TRUB1: variants seen among roughly 807,000 people sequenced by gnomAD.
TRUB1 encodes the protein pseudouridylate synthase TRUB1.
Under a neutral mutation model 33.9 loss-of-function variants are expected in TRUB1, and 23 were observed. That is an observed-to-expected ratio of 0.68 (90% confidence interval 0.49 to 0.96). The LOEUF is 0.96. Ranked by LOEUF, TRUB1 falls within the 40% of genes least tolerant of loss-of-function variation. The pLI is 0.00. For missense variants in TRUB1, 378 were observed against 422.2 expected (o/e 0.90, Z 0.92); for synonymous variants, 163 against 165.4 (o/e 0.99, Z 0.11).
At chr10:114,959,028 C>A (rs1186603402) in intron 3 of TRUB1, among the ~76,000 whole-genome samples, 2 of 152,078 alleles carry the variant, frequency 1.3e-5, no homozygotes, top group Non-Finnish European at 2.9e-5. Context: ...CCCAGCTACT[C>A]CACAGGGTGA....
At position 114,940,686 on chromosome 10, in the gene TRUB1, G is replaced by C. The variant is rs146626801; in HGVS notation, c.287-1959G>C. ...TATAGTAGAGGCAGTACGTCTGCAA[G>C]TTAGAAGGAGGTATATTTGGGCACA... is the stretch of plus-strand genomic sequence containing the variant. On this transcript the variant is annotated intron_variant, in intron 1 of 7. Coordinates refer to ENST00000298746, the MANE Select transcript of TRUB1 (RefSeq NM_139169.5). Among the ~76,000 whole-genome samples the C allele has an allele frequency of 1.4e-4, 21 of 152,320 alleles. No individual in the cohort carries two copies. The East Asian group carries it at 3.9e-3, about 28-fold the overall frequency.
intron 4 of TRUB1, among the ~76,000 whole-genome samples, chr10:114,964,930 G>GT (rs11320741): frequency 0.042 from 5,396 of 127,624 alleles, 247 homozygotes; most frequent in African/African-American, 0.11. Flanking sequence ...TTTTCTATAG[G>GT]TTTTTTTTTT....
At chr10:114,953,730 A>G (rs1220293194) in intron 3 of TRUB1, among the ~76,000 whole-genome samples, 1 of 152,178 alleles carries the variant, frequency 6.6e-6, no homozygotes, top group East Asian at 1.9e-4. Flanking sequence ...TGAAGTCTGT[A>G]CAAGAAACAA....
intron 3 of TRUB1, 51 bp from the exon 4 acceptor site, chr10:114,959,675 A>T (rs1477618505): frequency 8.6e-7 from 1 of 1,162,360 alleles, no homozygotes; most frequent in Non-Finnish European, 1.3e-6. Context: ...CATGCATAAC[A>T]GTTTTTGTTT....
intron 3 of TRUB1, among the ~76,000 whole-genome samples, chr10:114,956,158 A>G (rs1448926197): frequency 3.9e-5 from 6 of 152,208 alleles, no homozygotes; most frequent in African/African-American, 1.4e-4. Context: ...GACGATGAGT[A>G]AAGTAGAGAG....
At chr10:114,963,093 G>A (rs2084291156) in intron 4 of TRUB1, among the ~76,000 whole-genome samples, 2 of 152,130 alleles carry the variant, frequency 1.3e-5, no homozygotes, top group African/African-American at 4.8e-5. Flanking sequence ...CCAAGCATCC[G>A]GGAAGGCCTA....
At chr10:114,966,658 A>G (rs562721428) in intron 4 of TRUB1, among the ~76,000 whole-genome samples, 44 of 152,276 alleles carry the variant, frequency 2.9e-4, no homozygotes, top group Non-Finnish European at 5.6e-4. Context: ...TTTTATAGCC[A>G]TATTTTTGTA....
At chr10:114,949,170 A>C (rs1415068246) in intron 2 of TRUB1, among the ~76,000 whole-genome samples, 1 of 152,248 alleles carries the variant, frequency 6.6e-6, no homozygotes, top group Non-Finnish European at 1.5e-5. Context: ...TGATGAGATT[A>C]TAAGCTGTTT....
intron 4 of TRUB1, among the ~76,000 whole-genome samples, chr10:114,968,918 G>A (rs1182798253): frequency 6.6e-6 from 1 of 152,048 alleles, no homozygotes; most frequent in Non-Finnish European, 1.5e-5. Context: ...AGAATAAAAA[G>A]TTTAGATAAA....
At chr10:114,944,418 A>G (rs950160563) in intron 2 of TRUB1, among the ~76,000 whole-genome samples, 2 of 152,186 alleles carry the variant, frequency 1.3e-5, no homozygotes, top group Non-Finnish European at 2.9e-5. Context: ...TGTTGGCAAT[A>G]ATATTTTTAC....
chr10:114,954,041 T>C (rs553260227), intron 3 of TRUB1, among the ~76,000 whole-genome samples: 14 of 150,706 alleles, frequency 9.3e-5, no homozygotes, highest in African/African-American at 3.4e-4. Flanking sequence ...GATGTATTCT[T>C]GATACTTTTC....
chr10:114,958,016 AG>A (rs1334164814), intron 3 of TRUB1, among the ~76,000 whole-genome samples: 2 of 152,222 alleles, frequency 1.3e-5, no homozygotes, highest in South Asian at 4.1e-4. Flanking sequence ...TACCAGGGCT[AG>A]ATATTGTTAC....
intron 2 of TRUB1, among the ~76,000 whole-genome samples, chr10:114,945,710 G>A (rs1423282466): frequency 2.0e-5 from 3 of 152,074 alleles, no homozygotes; most frequent in Admixed American, 6.5e-5. Flanking sequence ...ATCAGCTATC[G>A]TTAGTGTATT....
In TRUB1 at chr10:114,977,327, T is replaced by A. The variant is rs1450105699; in HGVS notation, c.*1948T>A. 1 of 152,116 alleles carries A rather than the reference T, an allele frequency of 6.6e-6. No homozygotes were observed. Among genetic ancestry groups the A allele is most frequent in the Non-Finnish European group, 1.5e-5 (1 of 67,976 alleles). The allele number at this position is 152,116 out of a possible 1,614,324, so 9.4% of individuals were successfully genotyped here. Reference sequence around the variant, plus strand: ...TTTCATTTGATATTATCTATATGTATGTAGTTGTGATAATGATTATTTTAA... The same window carrying A: ...TTTCATTTGATATTATCTATATGTAAGTAGTTGTGATAATGATTATTTTAA... On this transcript the variant is annotated 3_prime_UTR_variant, in exon 8 of 8. Transcript: ENST00000298746.
chr10:114,942,894 A>G, intron 2 of TRUB1, 151 bp downstream of exon 2: 1 of 571,964 alleles, frequency 1.7e-6, no homozygotes, highest in Non-Finnish European at 3.1e-6. Context: ...GCCATCTTTT[A>G]AAGAAGCCCT....
chr10:114,945,152 G>A (rs574415398), intron 2 of TRUB1, among the ~76,000 whole-genome samples: 1 of 152,330 alleles, frequency 6.6e-6, no homozygotes, highest in East Asian at 1.9e-4. Context: ...AAAGTAACAT[G>A]TTCACTGTCA....
Position 114,972,233 on chromosome 10 carries a change from G to A in TRUB1, c.695G>A (p.Ser232Asn), listed in dbSNP as rs772067082. ...AKPARPVTVY[S>N]ISLQKFQPPF... is the part of the protein sequence containing the mutation. ...CCTGCCAGGCCAGTGACTGTATACAGTATCTCCCTTCAAAAATTCCAGCCA... is the reference window on the plus strand; with the variant it reads ...CCTGCCAGGCCAGTGACTGTATACAATATCTCCCTTCAAAAATTCCAGCCA... Residue 232 changes from serine (S) to asparagine (N), a missense_variant, in exon 6 of 8, where the codon AGT (serine) becomes AAT (asparagine). Coordinates refer to ENST00000298746, the MANE Select transcript of TRUB1 (RefSeq NM_139169.5). The A allele has an allele frequency of 4.8e-5, 77 of 1,609,256 alleles. 1 individual carries two copies. The South Asian group carries it at 8.4e-4, about 18-fold the overall frequency.
At position 114,973,414 on chromosome 10, in the gene TRUB1, G is replaced by A. The variant is rs75307549; in HGVS notation, c.737-915G>A. Among the ~76,000 whole-genome samples the A allele has an allele frequency of 9.4e-3, 1,427 of 152,228 alleles. 23 individuals carry two copies. Among genetic ancestry groups the A allele is most frequent in the African/African-American group, 0.033 (1,360 of 41,548 alleles). ...TCAAATATCACGCAAGAGTGCTAGC[G>A]CGCCTGCATTTCATCCCAGTGCCCA... On this transcript the variant is annotated intron_variant, in intron 6 of 7. Coordinates refer to ENST00000298746, the MANE Select transcript of TRUB1 (RefSeq NM_139169.5).
In TRUB1 at chr10:114,959,792, G is replaced by T; in HGVS notation, c.508G>T (p.Glu170Ter). ...DTLDSTGRVT[E>*]EKPYDKITQE... is the part of the protein sequence containing the mutation. ...ACTAGATTCTACGGGGAGGGTAACA[G>T]AAGAAAAACCTTACGGTATGAAGCT... Residue 170 changes from glutamate to a stop codon, truncating the protein, a stop_gained, in exon 4 of 8, where the codon GAA becomes TAA. Transcript: ENST00000298746. LOFTEE classifies it high-confidence loss of function. The T allele has an allele frequency of 6.2e-7, 1 of 1,604,558 alleles. No homozygotes were observed. Among genetic ancestry groups the T allele is most frequent in the Non-Finnish European group, 8.5e-7 (1 of 1,171,678 alleles).
Sources: gnomAD v4.1 joint callset for allele counts (sites outside exome capture counted in the v4.1 genomes callset) on GRCh38, gnomAD v4.1.1 for gene constraint, MANE v1.5 for transcripts, NCBI Gene and HGNC (gene_info 2026-07-23, HGNC 2026-07-21) for gene names.